KCTD10: variants seen among roughly 807,000 people sequenced by gnomAD.
The protein encoded by KCTD10 is potassium channel tetramerization domain containing 10.
A neutral mutation model predicts 34.6 loss-of-function variants in KCTD10; 13 were observed. The observed-to-expected ratio is 0.38, with a 90% confidence interval of 0.24 to 0.60. The LOEUF (loss-of-function observed/expected upper bound fraction) is 0.60. Ranked by LOEUF, KCTD10 falls within the 20% of genes least tolerant of loss-of-function variation. The pLI, the probability that KCTD10 is intolerant of heterozygous loss-of-function variation, is 0.66. For synonymous variants in KCTD10, 156 were observed against 168.8 expected, an observed-to-expected ratio of 0.92 and a Z score of 0.59; for missense variants, 256 against 420.3, an observed-to-expected ratio of 0.61 and a Z score of 3.42.
At chr12:109,452,845 C>CTTTTTTTTTCTTT in intron 6 of KCTD10, among the ~76,000 whole-genome samples, 1 of 143,766 alleles carries the variant, frequency 7.0e-6, no homozygotes, top group South Asian at 2.2e-4. Context: ...GTTTTCTTTC[C>CTTTTTTTTTCTTT]TTTTTTTTTA....
chr12:109,456,040 T>C (rs917962085), intron 6 of KCTD10, 78 bp downstream of exon 6: 10 of 1,344,568 alleles, frequency 7.4e-6, no homozygotes, highest in African/African-American at 1.5e-5. Flanking sequence ...TCCCTCTGTA[T>C]TGGGCTCAAG....
chr12:109,473,095 G>A (rs1341089148), intron 1 of KCTD10, among the ~76,000 whole-genome samples: 4 of 152,144 alleles, frequency 2.6e-5, no homozygotes, highest in African/African-American at 9.7e-5. Context: ...GGATTTGGAT[G>A]CCACAGCCCC....
intron 6 of KCTD10, chr12:109,455,664 A>G (rs1872977262): frequency 5.5e-6 from 1 of 182,682 alleles, no homozygotes; most frequent in Non-Finnish European, 1.2e-5. Context: ...GACAGAGTGT[A>G]TAATGTGAAT....
intron 1 of KCTD10, among the ~76,000 whole-genome samples, chr12:109,475,193 G>C (rs570509631): frequency 1.3e-3 from 201 of 152,194 alleles, no homozygotes; most frequent in African/African-American, 4.1e-3. Context: ...ATGATGCCAG[G>C]CCAGGCACAG....
At chr12:109,472,105 T>G (rs960743956) in intron 1 of KCTD10, among the ~76,000 whole-genome samples, 8 of 152,196 alleles carry the variant, frequency 5.3e-5, no homozygotes, top group Non-Finnish European at 1.5e-5. Flanking sequence ...TACATTTATT[T>G]AAAATATTTT....
chr12:109,451,793 C>A lies in KCTD10; in HGVS notation c.744G>T (p.Arg248=). The change falls in exon 7 of 7, where the codon CGG becomes CGT. Residue 248 remains arginine, a synonymous_variant. Transcript: ENST00000228495. The surrounding 1 kb of genome is among the most constrained non-coding windows in gnomAD (Gnocchi z 5.0). ...KQTKVEFPEA[R]IYEETLNILL... ...AAATGTTCAGGGTCTCCTCATAAAT[C>A]CGGGCTTCGGGAAACTCCACCTGTG... 6.2e-7 allele frequency: 1 copy of A among 1,613,722 alleles called. No individual in the cohort carries two copies. Among genetic ancestry groups the A allele is most frequent in the Non-Finnish European group, 8.5e-7 (1 of 1,179,812 alleles).
Position 109,469,567 on chromosome 12 carries a change from G to C in KCTD10, c.165C>G (p.Thr55=). 1 of 1,614,198 alleles carries C rather than the reference G, an allele frequency of 6.2e-7. No homozygotes were observed. Among genetic ancestry groups the C allele is most frequent in the South Asian group, 1.1e-5 (1 of 91,090 alleles). Residue 55 remains threonine, a synonymous_variant, in exon 2 of 7, where the codon ACC becomes ACG. Transcript: ENST00000228495. ...TTMQTLTKQD[T]MLKAMFSGRM... ...GCCCGCTGAACATGGCCTTCAGCATGGTGTCCTGCTTGGTCAGCGTCTGCA... is the reference window on the plus strand; with the variant it reads ...GCCCGCTGAACATGGCCTTCAGCATCGTGTCCTGCTTGGTCAGCGTCTGCA...
At position 109,460,870 on chromosome 12, in the gene KCTD10, G is replaced by A. The variant is rs1873285637; in HGVS notation, c.218-65C>T. On this transcript the variant is annotated intron_variant, in intron 2 of 6. Coordinates refer to ENST00000228495, the MANE Select transcript of KCTD10 (RefSeq NM_031954.5). The surrounding 1 kb of genome is among the most constrained non-coding windows in gnomAD (Gnocchi z 4.5). ...CCTCTTGTGGGAGGCCCTGAGCAGA[G>A]CTGGGGTGTCTCTCGGCTCCCTCTA... 6.6e-7 allele frequency: 1 copy of A among 1,521,632 alleles called. No individual in the cohort carries two copies. Among genetic ancestry groups the A allele is most frequent in the African/African-American group, 1.4e-5 (1 of 72,826 alleles). The allele number at this position is 1,521,632 out of a possible 1,614,324, so 94.3% of individuals were successfully genotyped here.
chr12:109,459,463 C>T (rs1011528293), intron 3 of KCTD10: 1 of 152,206 alleles, frequency 6.6e-6, no homozygotes, highest in African/African-American at 2.4e-5. Context: ...ATTTAGAAAA[C>T]CAAGTGAACA....
At chr12:109,465,873 C>G (rs1247511710) in intron 2 of KCTD10, among the ~76,000 whole-genome samples, 1 of 152,178 alleles carries the variant, frequency 6.6e-6, no homozygotes, top group Non-Finnish European at 1.5e-5. Context: ...ACTCTTCAAT[C>G]TAGTGTACGC....
In KCTD10 at chr12:109,450,712, T is replaced by C. The variant is rs567939779; in HGVS notation, c.*883A>G. 132 of 208,794 alleles carry C rather than the reference T, an allele frequency of 6.3e-4. No individual in the cohort carries two copies. The highest frequency in any genetic ancestry group is 3.0e-3 in the African/African-American group (130 of 43,616). The allele number at this position is 208,794 out of a possible 1,614,324, so 12.9% of individuals were successfully genotyped here. On this transcript the variant is annotated 3_prime_UTR_variant, in exon 7 of 7. Coordinates refer to ENST00000228495, the MANE Select transcript of KCTD10 (RefSeq NM_031954.5). ...GGAGCGGGATCCCAGGGAGGGGTAGTTTATGAGCTATGCCTGTCACAGGGT... is the reference window on the plus strand; with the variant it reads ...GGAGCGGGATCCCAGGGAGGGGTAGCTTATGAGCTATGCCTGTCACAGGGT...
chr12:109,454,806 A>T (rs1207906266), intron 6 of KCTD10, among the ~76,000 whole-genome samples: 1 of 152,186 alleles, frequency 6.6e-6, no homozygotes, highest in African/African-American at 2.4e-5. Context: ...ACACAAGAAC[A>T]TGCCACTCCT....
rs763156025 is a variant in KCTD10, at chr12:109,460,766, G to C, written c.257C>G (p.Thr86Arg). Reference sequence around the variant, plus strand: ...CCCGTCTCGAAGGTAGTTGAGTATCGTACCAAAGTGCTTCCCACAGCGGTC... The same window carrying C: ...CCCGTCTCGAAGGTAGTTGAGTATCCTACCAAAGTGCTTCCCACAGCGGTC... ...LIDRCGKHFG[T>R]ILNYLRDGAV... Residue 86 changes from threonine (T) to arginine (R), a missense_variant, in exon 3 of 7, where the codon ACG (threonine) becomes AGG (arginine). Coordinates refer to ENST00000228495, the MANE Select transcript of KCTD10 (RefSeq NM_031954.5). The surrounding 1 kb of genome is among the most constrained non-coding windows in gnomAD (Gnocchi z 4.5). 1 of 1,614,154 alleles carries C rather than the reference G, an allele frequency of 6.2e-7. No individual in the cohort carries two copies. The highest frequency in any genetic ancestry group is 1.1e-5 in the South Asian group (1 of 91,086).
intron 2 of KCTD10, among the ~76,000 whole-genome samples, chr12:109,467,304 G>A (rs1873636744): frequency 6.6e-6 from 1 of 152,216 alleles, no homozygotes; most frequent in African/African-American, 2.4e-5. Flanking sequence ...CCCTCGAAGG[G>A]TTATGGTGAG....
chr12:109,472,571 A>G (rs960957415), intron 1 of KCTD10, among the ~76,000 whole-genome samples: 2 of 152,156 alleles, frequency 1.3e-5, no homozygotes, highest in African/African-American at 4.8e-5. Flanking sequence ...AAATACATTA[A>G]CCAGTGATAT....
At chr12:109,472,550 C>A (rs980779628) in intron 1 of KCTD10, among the ~76,000 whole-genome samples, 1 of 151,742 alleles carries the variant, frequency 6.6e-6, no homozygotes, top group Non-Finnish European at 1.5e-5. Flanking sequence ...TCTAAAATAA[C>A]CATTAATAGT....
intron 2 of KCTD10, among the ~76,000 whole-genome samples, chr12:109,464,129 T>C (rs753651732): frequency 3.2e-4 from 48 of 152,214 alleles, no homozygotes; most frequent in Non-Finnish European, 4.7e-4. Context: ...CCAGGGAACC[T>C]TCACTGACCT....
In KCTD10 at chr12:109,460,358, A is replaced by C; in HGVS notation, c.387+278T>G. The C allele has an allele frequency of 2.7e-6, 1 of 373,950 alleles. No homozygotes were observed. The highest frequency in any genetic ancestry group is 5.4e-5 in the East Asian group (1 of 18,452). 23.2% of individuals were successfully genotyped at this position (373,950 alleles called of 1,614,324 possible). A position where few individuals can be genotyped will look rare whatever the true frequency, so the allele number is the denominator to read the frequency against. On this transcript the variant is annotated intron_variant, in intron 3 of 6. Transcript: ENST00000228495. The surrounding 1 kb of genome is among the most constrained non-coding windows in gnomAD (Gnocchi z 4.5). ...GTCCCGAACACCGACCAAGTTTCAC[A>C]CCGCGGGGTTCTCTGCTGAAGGGTT...
chr12:109,469,485 C>A, intron 2 of KCTD10, 30 bp downstream of exon 2: 2 of 1,609,940 alleles, frequency 1.2e-6, no homozygotes, highest in Non-Finnish European at 1.7e-6. Flanking sequence ...AACGCATGGC[C>A]AGAGGCAGGC....
Sources: gnomAD v4.1 joint callset for allele counts (sites outside exome capture counted in the v4.1 genomes callset) on GRCh38, gnomAD v4.1.1 for gene constraint, Gnocchi (gnomAD v3.1) non-coding constraint, MANE v1.5 for transcripts, NCBI Gene and HGNC (gene_info 2026-07-23, HGNC 2026-07-21) for gene names.